Variants in GRM7 observed in about 807,000 individuals in gnomAD.
GRM7 encodes glutamate metabotropic receptor 7, also known as metabotropic glutamate receptor 7.
GRM7 carries 35 observed loss-of-function variants against 84.5 expected under a neutral mutation model. The ratio of observed to expected loss-of-function variants is 0.41; its 90% confidence interval spans 0.32 to 0.55. The LOEUF (loss-of-function observed/expected upper bound fraction) is 0.55, where lower values mean the gene tolerates loss of function less well. Among genes scored for constraint, GRM7 ranks in the 20% least tolerant of loss-of-function variants. GRM7 has a pLI of 0.19. For synonymous variants in GRM7, 487 were observed against 455.1 expected, an observed-to-expected ratio of 1.07 and a Z score of -0.89; for missense variants, 1,003 against 1,194.6, an observed-to-expected ratio of 0.84 and a Z score of 2.36.
At chr3:7,698,155 T>C (rs1025711116) in intron 9 of GRM7, among the ~76,000 whole-genome samples, 8 of 152,142 alleles carry the variant, frequency 5.3e-5, no homozygotes, top group African/African-American at 1.9e-4. Flanking sequence ...ATGCCAGATG[T>C]ATGTAAAGAG....
intron 2 of GRM7, among the ~76,000 whole-genome samples, chr3:7,160,944 G>T (rs1408809984): frequency 6.6e-6 from 1 of 152,148 alleles, no homozygotes; most frequent in Admixed American, 6.5e-5. Context: ...GGGACACAGT[G>T]TGTTCTCAAA....
intron 4 of GRM7, among the ~76,000 whole-genome samples, chr3:7,375,661 C>T (rs1474952460): frequency 6.6e-6 from 1 of 152,146 alleles, no homozygotes; most frequent in African/African-American, 2.4e-5. Flanking sequence ...TTCTCTTTTG[C>T]TCCACCTCCA....
At chr3:7,425,190 G>A (rs1379430259) in intron 5 of GRM7, among the ~76,000 whole-genome samples, 1 of 152,168 alleles carries the variant, frequency 6.6e-6, no homozygotes, top group Non-Finnish European at 1.5e-5. Flanking sequence ...TAATGATCCT[G>A]GATTGATCCC....
chr3:7,431,155 C>G (rs1027307728), intron 5 of GRM7, among the ~76,000 whole-genome samples: 8 of 152,020 alleles, frequency 5.3e-5, no homozygotes, highest in Non-Finnish European at 8.8e-5. Context: ...CTGGAAATCA[C>G]CCAGATGTGC....
At chr3:7,673,138 C>T (rs923648929) in intron 8 of GRM7, among the ~76,000 whole-genome samples, 1 of 152,060 alleles carries the variant, frequency 6.6e-6, no homozygotes, top group Non-Finnish European at 1.5e-5. Context: ...TTACAGAGAC[C>T]ATCATTTGAT....
chr3:7,304,592 G>C (rs371914603), intron 3 of GRM7, among the ~76,000 whole-genome samples: 1 of 151,530 alleles, frequency 6.6e-6, no homozygotes, highest in Non-Finnish European at 1.5e-5. Flanking sequence ...GCTGGATATA[G>C]GTCTTCTTGG....
chr3:7,695,337 C>CTCAG (rs1354330892), intron 9 of GRM7, among the ~76,000 whole-genome samples: 1 of 152,184 alleles, frequency 6.6e-6, no homozygotes, highest in Non-Finnish European at 1.5e-5. Context: ...TTTTTCTGCA[C>CTCAG]TCAGTCAGCC....
At chr3:6,909,767 C>T (rs752347383) in intron 1 of GRM7, among the ~76,000 whole-genome samples, 11 of 151,990 alleles carry the variant, frequency 7.2e-5, no homozygotes, top group African/African-American at 1.4e-4. Context: ...ATATAAATCA[C>T]GTATTCCTGT....
intron 7 of GRM7, among the ~76,000 whole-genome samples, chr3:7,521,585 A>G (rs954565203): frequency 3.9e-5 from 6 of 152,212 alleles, no homozygotes; most frequent in African/African-American, 1.4e-4. Context: ...TGGAACTATG[A>G]GAACTACATT....
In GRM7 at chr3:7,264,096, T is replaced by C. The variant is rs1698543398; in HGVS notation, c.737-34588T>C. Among the ~76,000 whole-genome samples the C allele has an allele frequency of 4.0e-5, 6 of 151,890 alleles. No homozygotes were observed. In the South Asian group the frequency reaches 1.2e-3, roughly 32 times the overall value. On this transcript the variant is annotated intron_variant, in intron 2 of 9. Transcript: ENST00000357716. ...GAGCTATGATGCAGGCTCTCAGGAG[T>C]TGTCCCCTCTGGGTACCCCAGGCTG...
At chr3:6,881,733 T>C (rs1452122015) in intron 1 of GRM7, among the ~76,000 whole-genome samples, 1 of 152,038 alleles carries the variant, frequency 6.6e-6, no homozygotes, top group African/African-American at 2.4e-5. Context: ...AAATATACAT[T>C]CTTATAAAAT....
intron 9 of GRM7, chr3:7,694,357 C>T: frequency 1.3e-6 from 1 of 790,702 alleles, no homozygotes; most frequent in Non-Finnish European, 1.5e-6. Flanking sequence ...TTTCTGTTTC[C>T]TCTAGGAAAG....
chr3:7,107,180 C>T (rs545413573), intron 1 of GRM7, among the ~76,000 whole-genome samples: 2 of 152,082 alleles, frequency 1.3e-5, no homozygotes, highest in East Asian at 1.9e-4. Flanking sequence ...TAGAGATACT[C>T]GGCCAAGCCT....
At chr3:7,656,107 G>A (rs781369539) in intron 8 of GRM7, among the ~76,000 whole-genome samples, 1 of 152,174 alleles carries the variant, frequency 6.6e-6, no homozygotes, top group Non-Finnish European at 1.5e-5. Context: ...TGGGGGTTCT[G>A]TCTAGTGCAT....
chr3:7,353,949 G>C (rs1370760890), intron 4 of GRM7, among the ~76,000 whole-genome samples: 2 of 152,076 alleles, frequency 1.3e-5, no homozygotes, highest in Admixed American at 1.3e-4. Context: ...AAGATAGGAA[G>C]GCTATTACAT....
chr3:7,634,532 C>A (rs1400996596), intron 8 of GRM7, among the ~76,000 whole-genome samples: 1 of 128,950 alleles, frequency 7.8e-6, no homozygotes, highest in Non-Finnish European at 1.6e-5. Flanking sequence ...ACGCCTGTAA[C>A]CCCAGCACTT....
At chr3:7,551,950 C>T (rs927920073) in intron 7 of GRM7, among the ~76,000 whole-genome samples, 1 of 152,192 alleles carries the variant, frequency 6.6e-6, no homozygotes, top group Non-Finnish European at 1.5e-5. Context: ...AAGGCATCTT[C>T]TTCACAAGGT....
chr3:6,894,488 G>T (rs879071227), intron 1 of GRM7, among the ~76,000 whole-genome samples: 2 of 151,970 alleles, frequency 1.3e-5, no homozygotes, highest in Admixed American at 1.3e-4. Flanking sequence ...GCTAGAATGG[G>T]AGCAAATAAG....
intron 2 of GRM7, among the ~76,000 whole-genome samples, chr3:7,198,670 T>G (rs2125111567): frequency 6.6e-6 from 1 of 152,330 alleles, no homozygotes; most frequent in Middle Eastern, 3.4e-3. Flanking sequence ...TATTGTATAA[T>G]AAGGTGTTGA....
Sources: gnomAD v4.1 joint callset for allele counts (sites outside exome capture counted in the v4.1 genomes callset) on GRCh38, gnomAD v4.1.1 for gene constraint, MANE v1.5 for transcripts, NCBI Gene and HGNC (gene_info 2026-07-23, HGNC 2026-07-21) for gene names.